Variants in STAU2 observed in about 807,000 individuals in gnomAD.
STAU2 encodes double-stranded RNA-binding protein Staufen homolog 2.
Under a neutral mutation model 65.9 loss-of-function variants are expected in STAU2, and 20 were observed. The observed-to-expected ratio is 0.30, with a 90% CI of 0.21 to 0.44. The LOEUF is 0.44. Among genes scored for constraint, STAU2 ranks in the 20% least tolerant of loss-of-function variants. STAU2 has a pLI of 1.00. For synonymous variants in STAU2, 232 were observed against 233.9 expected (o/e 0.99, Z 0.07); for missense variants, 558 against 683.9 (o/e 0.82, Z 2.05).
intron 12 of STAU2, among the ~76,000 whole-genome samples, chr8:73,580,426 A>G (rs942050387): frequency 1.3e-5 from 2 of 152,202 alleles, no homozygotes; most frequent in Non-Finnish European, 2.9e-5. Context: ...GGCAGCCAGC[A>G]CTGGCAATCT....
chr8:73,459,134 G>A (rs1397535193), intron 13 of STAU2, among the ~76,000 whole-genome samples: 1 of 151,870 alleles, frequency 6.6e-6, no homozygotes, highest in Non-Finnish European at 1.5e-5. Flanking sequence ...ACAACTAACG[G>A]CTGCTGTTTT....
intron 13 of STAU2, among the ~76,000 whole-genome samples, chr8:73,469,222 G>A (rs888316861): frequency 5.9e-5 from 9 of 151,980 alleles, no homozygotes; most frequent in Non-Finnish European, 7.4e-5. Flanking sequence ...ATCAAACACC[G>A]CATGTTCTCA....
intron 4 of STAU2, among the ~76,000 whole-genome samples, chr8:73,690,328 CAAAAAA>C (rs56744849): frequency 5.1e-5 from 3 of 58,254 alleles, no homozygotes; most frequent in East Asian, 5.3e-4. Flanking sequence ...GACTCTGTCT[CAAAAAA>C]AAAAAAAAAA....
chr8:73,673,373 T>C, intron 5 of STAU2, 131 bp from the exon 6 acceptor site: 4 of 952,478 alleles, frequency 4.2e-6, no homozygotes, highest in Middle Eastern at 2.6e-4. Flanking sequence ...TATGATTTTC[T>C]AAGGAACTGC....
intron 4 of STAU2, among the ~76,000 whole-genome samples, chr8:73,705,232 TAAGAA>T (rs1397693948): frequency 6.6e-6 from 1 of 152,144 alleles, no homozygotes; most frequent in Non-Finnish European, 1.5e-5. Context: ...CATTTACAGA[TAAGAA>T]AACTGAGACT....
intron 3 of STAU2, among the ~76,000 whole-genome samples, chr8:73,718,538 A>G (rs7818308): frequency 0.28 from 41,946 of 152,084 alleles, 6,295 homozygotes; most frequent in East Asian, 0.46. Flanking sequence ...GGGTATATAC[A>G]TGTGCACTGG....
chr8:73,605,727 GATT>G (rs61127503), intron 9 of STAU2, among the ~76,000 whole-genome samples: 23,175 of 151,674 alleles, frequency 0.15, 1,794 homozygotes, highest in African/African-American at 0.17. Context: ...CTAATTTCAA[GATT>G]ATAAAACTAT....
chr8:73,520,176 C>T (rs1198279507), intron 13 of STAU2, among the ~76,000 whole-genome samples: 1 of 152,226 alleles, frequency 6.6e-6, no homozygotes. Flanking sequence ...AGATTGGAGA[C>T]ATAGGCAAAG....
intron 1 of STAU2, among the ~76,000 whole-genome samples, chr8:73,746,257 G>A (rs1807268503): frequency 6.7e-6 from 1 of 150,282 alleles, no homozygotes; most frequent in African/African-American, 2.5e-5. Flanking sequence ...CCGCCGCTCC[G>A]CCTCCAGCGC....
chr8:73,669,964 A>C (rs1817549661), intron 6 of STAU2, among the ~76,000 whole-genome samples: 1 of 152,232 alleles, frequency 6.6e-6, no homozygotes, highest in Non-Finnish European at 1.5e-5. Flanking sequence ...ACAAATATAA[A>C]GATGTAATAC....
chr8:73,437,373 G>C (rs1179442151), intron 13 of STAU2, among the ~76,000 whole-genome samples: 1 of 152,158 alleles, frequency 6.6e-6, no homozygotes, highest in African/African-American at 2.4e-5. Context: ...TCGGAGAAGG[G>C]TGTGAGGGAT....
chr8:73,520,215 T>A (rs1207203426), intron 13 of STAU2, among the ~76,000 whole-genome samples: 1 of 152,250 alleles, frequency 6.6e-6, no homozygotes, highest in Non-Finnish European at 1.5e-5. Flanking sequence ...TGAGATTTCA[T>A]CCTACAGACT....
chr8:73,655,774 G>A (rs937878457), intron 6 of STAU2, among the ~76,000 whole-genome samples: 28 of 147,600 alleles, frequency 1.9e-4, no homozygotes, highest in African/African-American at 7.0e-4. Flanking sequence ...TCAGCCTCCC[G>A]AGTAGCTGGG....
At chr8:73,560,266 G>A (rs1418845135) in intron 12 of STAU2, among the ~76,000 whole-genome samples, 1 of 152,080 alleles carries the variant, frequency 6.6e-6, no homozygotes, top group Non-Finnish European at 1.5e-5. Context: ...ATTTTTAGTA[G>A]AGACGGGGTT....
At chr8:73,544,396 T>G (rs952670477) in intron 13 of STAU2, among the ~76,000 whole-genome samples, 1 of 152,236 alleles carries the variant, frequency 6.6e-6, no homozygotes, top group African/African-American at 2.4e-5. Flanking sequence ...ACCAATCATG[T>G]CACATCTCTT....
intron 13 of STAU2, among the ~76,000 whole-genome samples, chr8:73,444,401 C>A (rs565016605): frequency 4.6e-5 from 5 of 108,654 alleles, no homozygotes; most frequent in Non-Finnish European, 7.5e-5. Flanking sequence ...AAGAGCAAAA[C>A]TCCATCAAAA....
At chr8:73,568,473 C>A (rs1001658208) in intron 12 of STAU2, among the ~76,000 whole-genome samples, 2 of 152,060 alleles carry the variant, frequency 1.3e-5, no homozygotes, top group African/African-American at 4.8e-5. Context: ...TGTGGTGCCA[C>A]GTGCCTGTAA....
chr8:73,613,409 T>A (rs1210615470), intron 9 of STAU2, among the ~76,000 whole-genome samples: 1 of 152,182 alleles, frequency 6.6e-6, no homozygotes, highest in African/African-American at 2.4e-5. Flanking sequence ...TTTTGTAAAA[T>A]CTTATTTGTA....
At chr8:73,667,594 G>A (rs1341340549) in intron 6 of STAU2, among the ~76,000 whole-genome samples, 3 of 152,292 alleles carry the variant, frequency 2.0e-5, no homozygotes, top group South Asian at 4.1e-4. Context: ...CAATCTGGAT[G>A]GGGTGCTTAG....
Sources: gnomAD v4.1 joint callset for allele counts (sites outside exome capture counted in the v4.1 genomes callset) on GRCh38, gnomAD v4.1.1 for gene constraint, MANE v1.5 for transcripts, NCBI Gene and HGNC (gene_info 2026-07-23, HGNC 2026-07-21) for gene names.